The following TREH variants were observed in gnomAD, a reference collection of about 807,000 sequenced individuals.
TREH encodes the protein alpha,alpha-trehalose glucohydrolase.
A neutral mutation model predicts 80.5 loss-of-function variants in TREH; 69 were observed. That is an observed-to-expected ratio of 0.86 (90% CI 0.71 to 1.05). TREH has a LOEUF of 1.05. Among genes scored for constraint, TREH ranks in the 50% least tolerant of loss-of-function variants. The probability of loss-of-function intolerance (pLI) is 0.00; values close to 1 mark genes in which losing one functional copy is unlikely to be tolerated. For synonymous variants in TREH, 309 were observed against 293.5 expected, an observed-to-expected ratio of 1.05 and a Z score of -0.54; for missense variants, 716 against 718.8, an observed-to-expected ratio of 1.00 and a Z score of 0.04.
intron 1 of TREH, among the ~76,000 whole-genome samples, chr11:118,664,678 C>T (rs1250792069): frequency 6.6e-6 from 1 of 152,196 alleles, no homozygotes; most frequent in Non-Finnish European, 1.5e-5. Context: ...AATACCACAG[C>T]AAATGGACAT....
chr11:118,665,566 G>A (rs1054233430), intron 1 of TREH, among the ~76,000 whole-genome samples: 1 of 152,140 alleles, frequency 6.6e-6, no homozygotes, highest in African/African-American at 2.4e-5. Flanking sequence ...CGTGAACCCG[G>A]GAGGCAGAGC....
intron 1 of TREH, among the ~76,000 whole-genome samples, chr11:118,678,543 C>T (rs569878564): frequency 6.6e-6 from 1 of 150,556 alleles, no homozygotes; most frequent in East Asian, 1.9e-4. Context: ...TTGTATTTTT[C>T]ATAGAGATGG....
chr11:118,659,556 G>A (rs2137259016), intron 11 of TREH, 75 bp from the exon 12 acceptor site: 2 of 1,415,698 alleles, frequency 1.4e-6, no homozygotes, highest in Non-Finnish European at 1.9e-6. Flanking sequence ...TGGACCCCGC[G>A]GGAAGCCAGA....
In TREH at chr11:118,678,656, G is replaced by A. The variant is rs567667942; in HGVS notation, c.89+883C>T. Among the ~76,000 whole-genome samples the A allele has an allele frequency of 2.8e-4, 43 of 151,124 alleles. No individual in the cohort carries two copies. In the East Asian group the frequency reaches 8.2e-3, roughly 29 times the overall value. The stretch of plus-strand genomic sequence containing the variant: ...TGGGATTACAGGCATGAGCCACCGT[G>A]CCCAGCTGTTTTTCTTCTATTATTA... On this transcript the variant is annotated intron_variant, in intron 1 of 14. Transcript: ENST00000264029.
intron 1 of TREH, among the ~76,000 whole-genome samples, chr11:118,678,603 T>G (rs1366956951): frequency 2.0e-5 from 3 of 150,702 alleles, no homozygotes; most frequent in Non-Finnish European, 4.4e-5. Context: ...CCTCAGATGA[T>G]AGCTCCCACC....
At chr11:118,663,698 G>A (rs555266746) in intron 1 of TREH, among the ~76,000 whole-genome samples, 2 of 152,222 alleles carry the variant, frequency 1.3e-5, no homozygotes, top group African/African-American at 4.8e-5. Context: ...AATTTGAGAT[G>A]GTGTAGAATA....
chr11:118,658,915 A>T lies in TREH; in HGVS notation c.1535T>A (p.Met512Lys), dbSNP rs556006762. 5 of 1,613,860 alleles carry T rather than the reference A, an allele frequency of 3.1e-6. No homozygotes were observed. Among genetic ancestry groups the T allele is most frequent in the Admixed American group, 1.7e-5 (1 of 60,010 alleles). ...NFDVYSQKSA[M>K]YEKYDVSNGG... ...CTTGGGCCAGCTCACCTTCTCATACATGGCTGACTTCTGCGAGTAGACATC... is the reference window on the plus strand; with the variant it reads ...CTTGGGCCAGCTCACCTTCTCATACTTGGCTGACTTCTGCGAGTAGACATC... Residue 512 changes from methionine (M) to lysine (K), a missense_variant, in exon 13 of 15, where the codon ATG becomes AAG. Physicochemically the swap from Met to Lys is moderately conservative, Grantham distance 95. Coordinates refer to ENST00000264029, the MANE Select transcript of TREH (RefSeq NM_007180.3).
In TREH at chr11:118,660,207, G is replaced by A. The variant is rs772597279; in HGVS notation, c.1103-243C>T. Among the ~76,000 whole-genome samples, 263 of 152,334 alleles carry A rather than the reference G, an allele frequency of 1.7e-3. 1 individual carries two copies. The highest frequency in any genetic ancestry group is 2.5e-3 in the Non-Finnish European group (173 of 68,026). On this transcript the variant is annotated intron_variant, in intron 10 of 14. Coordinates refer to ENST00000264029, the MANE Select transcript of TREH (RefSeq NM_007180.3). ...GTCTCCAGGGTCTATCCTCCCAAGGGTACTGGCTGGGTGGATTCCCCTAGC... is the reference window on the plus strand; with the variant it reads ...GTCTCCAGGGTCTATCCTCCCAAGGATACTGGCTGGGTGGATTCCCCTAGC...
chr11:118,659,773 C>T lies in TREH; in HGVS notation c.1294G>A (p.Ala432Thr). 6.3e-7 allele frequency: 1 copy of T among 1,582,902 alleles called. No homozygotes were observed. The highest frequency in any genetic ancestry group is 8.6e-7 in the Non-Finnish European group (1 of 1,163,992). ...TCCAGGTATTTCAGAGCCTTGTCCG[C>T]CACGCCAGGGTCAGAGAAACACCCG... Reference protein sequence around the residue: ...WAGCFSDPGVADKALKYLEDN... With the variant: ...WAGCFSDPGVTDKALKYLEDN... Residue 432 changes from alanine (A) to threonine (T), a missense_variant, in exon 11 of 15, where the codon GCG becomes ACG. Coordinates refer to ENST00000264029, the MANE Select transcript of TREH (RefSeq NM_007180.3).
chr11:118,661,263 C>A lies in TREH; in HGVS notation c.754G>T (p.Ala252Ser), dbSNP rs1949318090. The A allele has an allele frequency of 6.2e-7, 1 of 1,613,838 alleles. No individual in the cohort carries two copies. The highest frequency in any genetic ancestry group is 1.3e-5 in the African/African-American group (1 of 74,916). ...TTGGTCCAAAAGTCCAATTCCAAGG[C>A]TAGTGTTTCAATGTTTTCCCTGGAG... The part of the protein sequence containing the change: ...AFLQENIETL[A>S]LELDFWTKNR... Residue 252 changes from alanine (A) to serine (S), a missense_variant, in exon 8 of 15, where the codon GCC becomes TCC. Transcript: ENST00000264029. The surrounding 1 kb of genome is among the most constrained non-coding windows in gnomAD (Gnocchi z 4.2).
At position 118,674,822 on chromosome 11, in the gene TREH, G is replaced by A. The variant is rs568753237; in HGVS notation, c.89+4717C>T. 3.3e-5 allele frequency among the ~76,000 whole-genome samples: 5 copies of A among 152,218 alleles called. No individual in the cohort carries two copies. Among genetic ancestry groups the A allele is most frequent in the South Asian group, 2.1e-4 (1 of 4,816 alleles). On this transcript the variant is annotated intron_variant, in intron 1 of 14. Coordinates refer to ENST00000264029, the MANE Select transcript of TREH (RefSeq NM_007180.3). This position sits in a 1 kb window ranked among gnomAD's most constrained non-coding sequence, Gnocchi z 4.4. Reference sequence around the variant, plus strand: ...CTCCCAAAGTGCTGGGATTACAGGCGTGAGCCACTGCACCTGGCTGCATTT... The same window carrying A: ...CTCCCAAAGTGCTGGGATTACAGGCATGAGCCACTGCACCTGGCTGCATTT...
chr11:118,666,175 G>A (rs1359954478), intron 1 of TREH, among the ~76,000 whole-genome samples: 4 of 152,158 alleles, frequency 2.6e-5, no homozygotes, highest in Admixed American at 2.6e-4. Context: ...GGAGGTTGCA[G>A]TGGGCCGGTA....
In TREH at chr11:118,659,162, C is replaced by T. The variant is rs193237937; in HGVS notation, c.1433-145G>A. On this transcript the variant is annotated intron_variant, in intron 12 of 14. Coordinates refer to ENST00000264029, the MANE Select transcript of TREH (RefSeq NM_007180.3). ...GACCACAGGCCAAACTGCCCTTAAT[C>T]GACGGCCCTGGTTTGAAGGGCGAAC... 9.1e-5 allele frequency: 88 copies of T among 971,224 alleles called. No individual in the cohort carries two copies. In the Admixed American group the frequency reaches 1.2e-3, roughly 13 times the overall value. The allele number at this position is 971,224 out of a possible 1,614,324, so 60.2% of individuals were successfully genotyped here.
intron 1 of TREH, among the ~76,000 whole-genome samples, chr11:118,675,891 C>T (rs1027313629): frequency 1.3e-5 from 2 of 152,138 alleles, no homozygotes; most frequent in Admixed American, 1.3e-4. Context: ...TTGGTAGAGA[C>T]AGGGTTTCAC....
chr11:118,660,951 T>G, intron 8 of TREH, 36 bp from the exon 9 acceptor site: 1 of 1,560,966 alleles, frequency 6.4e-7, no homozygotes, highest in Non-Finnish European at 8.7e-7. Flanking sequence ...CTGGCACTAG[T>G]AGCTACTAAG....
In TREH at chr11:118,658,417, C is replaced by T. The variant is rs781837968; in HGVS notation, c.1624G>A (p.Val542Met). The T allele has an allele frequency of 8.1e-6, 13 of 1,611,198 alleles. No homozygotes were observed. Among genetic ancestry groups the T allele is most frequent in the Admixed American group, 5.0e-5 (3 of 59,884 alleles). The change falls in exon 15 of 15, where the codon GTG becomes ATG. Residue 542 changes from valine to methionine, a missense_variant. Val to Met is a conservative substitution (Grantham distance 21, BLOSUM62 1). Transcript: ENST00000264029. The stretch of plus-strand genomic sequence containing the variant: ...TAGCGGTCCAGCAGCATCAGGACCA[C>T]GCCATTCGTCCAGCCAAATCCCTCC... ...VQEGFGWTNG[V>M]VLMLLDRYGD...
Position 118,661,332 on chromosome 11 carries a change from G to A in TREH, c.735-50C>T, listed in dbSNP as rs782733629. On this transcript the variant is annotated intron_variant, in intron 7 of 14. Transcript: ENST00000264029. This position sits in a 1 kb window ranked among gnomAD's most constrained non-coding sequence, Gnocchi z 4.2. ...AGCCCAGGCGTGCTGCCCATCCCCA[G>A]CCCTGAGAGGTCTGAGGGATGGGTG... 3.7e-6 allele frequency: 6 copies of A among 1,613,952 alleles called. No homozygotes were observed. Among genetic ancestry groups the A allele is most frequent in the Non-Finnish European group, 5.1e-6 (6 of 1,179,822 alleles).
chr11:118,658,606 C>T, intron 14 of TREH, 74 bp downstream of exon 14: 1 of 1,541,684 alleles, frequency 6.5e-7, no homozygotes. Context: ...CACACTGAGG[C>T]CTGGGGCGGG....
intron 1 of TREH, among the ~76,000 whole-genome samples, chr11:118,664,954 C>G (rs1555145549): frequency 6.6e-6 from 1 of 151,958 alleles, no homozygotes; most frequent in Non-Finnish European, 1.5e-5. Context: ...ACTAAAAATA[C>G]AAAAATTAGA....
Sources: allele counts gnomAD v4.1 joint callset (sites outside exome capture counted in the v4.1 genomes callset), GRCh38; gene constraint gnomAD v4.1.1; non-coding constraint Gnocchi (gnomAD v3.1); transcripts MANE v1.5; gene names NCBI Gene and HGNC (gene_info 2026-07-23, HGNC 2026-07-21).